Variants in ZRANB1 observed in about 807,000 individuals in gnomAD.
The protein encoded by ZRANB1 is ubiquitin thioesterase ZRANB1.
Under a neutral mutation model 80.5 loss-of-function variants are expected in ZRANB1, and 16 were observed. The observed-to-expected ratio is 0.20, with a 90% CI of 0.13 to 0.30. ZRANB1 has a LOEUF of 0.30. ZRANB1 is among the 10% of genes least tolerant of loss of function. The pLI, the probability that ZRANB1 is intolerant of heterozygous loss-of-function variation, is 1.00. For synonymous variants in ZRANB1, 291 were observed against 293.1 expected (o/e 0.99, Z 0.07); for missense variants, 576 against 862.6 (o/e 0.67, Z 4.16).
At chr10:124,970,657 A>G (rs1243898836) in intron 2 of ZRANB1, among the ~76,000 whole-genome samples, 1 of 152,160 alleles carries the variant, frequency 6.6e-6, no homozygotes, top group Non-Finnish European at 1.5e-5. Context: ...TTGTCTGCAT[A>G]TATGATGTAG....
intron 1 of ZRANB1, among the ~76,000 whole-genome samples, chr10:124,953,992 A>T (rs1424549266): frequency 7.2e-6 from 1 of 138,854 alleles, no homozygotes; most frequent in Non-Finnish European, 1.6e-5. Context: ...TGGAGACAGG[A>T]TTTTGCTCTG....
intron 1 of ZRANB1, chr10:124,945,065 G>C (rs1404959379): frequency 6.6e-6 from 1 of 152,206 alleles, no homozygotes; most frequent in African/African-American, 2.4e-5. Context: ...AAAGGGTTTT[G>C]TTATTAGTTT....
intron 5 of ZRANB1, chr10:124,981,430 G>T: frequency 4.5e-6 from 1 of 222,424 alleles, no homozygotes; most frequent in Non-Finnish European, 8.5e-6. Flanking sequence ...TGTGGACAGT[G>T]GAAAATAACC....
chr10:124,960,567 C>G (rs903801538), intron 1 of ZRANB1, among the ~76,000 whole-genome samples: 1 of 152,066 alleles, frequency 6.6e-6, no homozygotes, highest in Non-Finnish European at 1.5e-5. Context: ...TACAGGCATG[C>G]GTCACTATGC....
Position 124,942,374 on chromosome 10 carries a change from G to A in ZRANB1, c.-120G>A. 1 of 1,483,408 alleles carries A rather than the reference G, an allele frequency of 6.7e-7. No individual in the cohort carries two copies. The highest frequency in any genetic ancestry group is 8.9e-7 in the Non-Finnish European group (1 of 1,121,048). The allele number at this position is 1,483,408 out of a possible 1,614,324, so 91.9% of individuals were successfully genotyped here. A position where few individuals can be genotyped will look rare whatever the true frequency, so the allele number is the denominator to read the frequency against. ...TCTTTTGAGAAATTTATATTTTGTAGGTTGAAGGACTTGCTTTTTGGGCAG... is the reference window on the plus strand; with the variant it reads ...TCTTTTGAGAAATTTATATTTTGTAAGTTGAAGGACTTGCTTTTTGGGCAG... On this transcript the variant is annotated 5_prime_UTR_variant, in exon 1 of 9. Coordinates refer to ENST00000359653, the MANE Select transcript of ZRANB1 (RefSeq NM_017580.3).
chr10:124,924,605 A>G, the ZRANB1 span, among the ~76,000 whole-genome samples: 1 of 152,194 alleles, frequency 6.6e-6, no homozygotes, highest in Admixed American at 6.5e-5. Flanking sequence ...TTTTTCTCTT[A>G]TAATACTTCC....
At chr10:124,964,023 A>G (rs187038280) in intron 1 of ZRANB1, among the ~76,000 whole-genome samples, 2 of 152,226 alleles carry the variant, frequency 1.3e-5, no homozygotes, top group Admixed American at 6.5e-5. Context: ...CATCTTCTGT[A>G]TGTCTGCCAT....
At chr10:124,940,422 T>C, upstream of ZRANB1, 1 of 1,032,988 alleles carries the variant, frequency 9.7e-7, no homozygotes. Context: ...TTGCAGTATC[T>C]CCTGAGGAAG....
chr10:124,938,875 T>TA (rs915064342), upstream of ZRANB1, among the ~76,000 whole-genome samples: 1 of 151,876 alleles, frequency 6.6e-6, no homozygotes, highest in African/African-American at 2.4e-5. Context: ...CCTGGCTAAT[T>TA]AAAAAAAAGT....
intron 1 of ZRANB1, among the ~76,000 whole-genome samples, chr10:124,961,373 C>T (rs1428271225): frequency 6.6e-6 from 1 of 152,204 alleles, no homozygotes; most frequent in African/African-American, 2.4e-5. Flanking sequence ...TTTTAAGTGA[C>T]TCATGATGTG....
intron 1 of ZRANB1, among the ~76,000 whole-genome samples, chr10:124,959,108 T>C (rs2134268991): frequency 6.6e-6 from 1 of 152,290 alleles, no homozygotes; most frequent in South Asian, 2.1e-4. Flanking sequence ...ATAGGGCAAA[T>C]AGAATTTAGC....
At chr10:124,949,520 CACAT>C (rs1390921975) in intron 1 of ZRANB1, among the ~76,000 whole-genome samples, 63 of 104,286 alleles carry the variant, frequency 6.0e-4, no homozygotes, top group African/African-American at 1.7e-3. Flanking sequence ...CACACACACA[CACAT>C]TTTTTTTTTT....
the ZRANB1 span, among the ~76,000 whole-genome samples, chr10:124,927,546 TA>T: frequency 6.6e-6 from 1 of 152,240 alleles, no homozygotes; most frequent in Non-Finnish European, 1.5e-5. Context: ...CCGAACTAAC[TA>T]AACTTTTTGT....
chr10:124,963,629 T>C (rs1951755006), intron 1 of ZRANB1, among the ~76,000 whole-genome samples: 1 of 135,682 alleles, frequency 7.4e-6, no homozygotes, highest in South Asian at 2.4e-4. Context: ...GTAGAAAACA[T>C]GCGGTGGCTA....
At chr10:124,933,659 G>A in the ZRANB1 span, among the ~76,000 whole-genome samples, 1 of 152,154 alleles carries the variant, frequency 6.6e-6, no homozygotes, top group African/African-American at 2.4e-5. Context: ...TGAGTGCATG[G>A]TAAACCTTTG....
rs759810385 is a variant in ZRANB1, at chr10:124,984,941, G to A, written c.2076G>A (p.Pro692=). The A allele has an allele frequency of 1.9e-6, 3 of 1,613,876 alleles. No individual in the cohort carries two copies. Among genetic ancestry groups the A allele is most frequent in the South Asian group, 1.1e-5 (1 of 91,060 alleles). The change falls in exon 9 of 9, where the codon CCG becomes CCA. Residue 692 remains proline (P), a synonymous_variant. Transcript: ENST00000359653. Reference sequence around the variant, plus strand: ...TTGACCGCTACCGACAGATCCGGCCGTGTACATCCCTGTCTGATGGAGAGG... The same window carrying A: ...TTGACCGCTACCGACAGATCCGGCCATGTACATCCCTGTCTGATGGAGAGG... ...KWLDRYRQIR[P]CTSLSDGEED...
the ZRANB1 span, among the ~76,000 whole-genome samples, chr10:124,922,300 A>AATATATATAT: frequency 4.0e-5 from 1 of 24,842 alleles, no homozygotes; most frequent in African/African-American, 5.7e-5. Flanking sequence ...ATATATGTAA[A>AATATATATAT]ATATATATAT....
In ZRANB1 at chr10:124,966,767, A is replaced by G. The variant is rs371243108; in HGVS notation, c.988A>G (p.Ile330Val). 46 of 1,613,522 alleles carry G rather than the reference A, an allele frequency of 2.9e-5. No individual in the cohort carries two copies. The highest frequency in any genetic ancestry group is 2.2e-4 in the East Asian group (10 of 44,886). ...IRFQRQDMLA[I>V]LLTEVSQQAA... ...TTTTCAGAGGCAGGATATGCTAGCA[A>G]TATTGCTTACAGAGGTAAGTTTGGC... Residue 330 changes from isoleucine (I) to valine (V), a missense_variant, in exon 2 of 9, where the codon ATA becomes GTA. Transcript: ENST00000359653.
chr10:124,943,018 C>G lies in ZRANB1; in HGVS notation c.525C>G (p.Pro175=). The G allele has an allele frequency of 6.2e-7, 1 of 1,614,174 alleles. No individual in the cohort carries two copies. Among genetic ancestry groups the G allele is most frequent in the Non-Finnish European group, 8.5e-7 (1 of 1,180,028 alleles). The change falls in exon 1 of 9, where the codon CCC becomes CCG. Residue 175 remains proline, a synonymous_variant. Coordinates refer to ENST00000359653, the MANE Select transcript of ZRANB1 (RefSeq NM_017580.3). ...AAAGATGTGTTGTTTGTGATCATCC[C>G]AGACCTAATAACATTGAAGCAATAG... ...KAKRCVVCDH[P]RPNNIEAIEL...
Sources: allele counts gnomAD v4.1 joint callset (sites outside exome capture counted in the v4.1 genomes callset), GRCh38; gene constraint gnomAD v4.1.1; transcripts MANE v1.5; gene names NCBI Gene and HGNC (gene_info 2026-07-23, HGNC 2026-07-21).